Variants in IGFBPL1 observed in about 807,000 individuals in gnomAD.
The protein encoded by IGFBPL1 is insulin-like growth factor-binding protein-like 1.
A neutral mutation model predicts 23.9 loss-of-function variants in IGFBPL1; 20 were observed. That is an observed-to-expected ratio of 0.84 (90% CI 0.59 to 1.22). The LOEUF is 1.22. Ranked by LOEUF, IGFBPL1 falls within the 50% of genes most tolerant of loss-of-function variation. The pLI is 0.00. For missense variants in IGFBPL1, 436 were observed against 379.3 expected, an observed-to-expected ratio of 1.15 and a Z score of -1.24; for synonymous variants, 184 against 171.8, an observed-to-expected ratio of 1.07 and a Z score of -0.56.
rs996679472 is a variant in IGFBPL1 at position 38,414,228 on chromosome 9, C to A, written c.461-25G>T. On this transcript the variant is annotated intron_variant, in intron 1 of 4. Transcript: ENST00000377694. ...GCTAGGAGGAGGAGACAAGGAGACG[C>A]AGCCTTTACCCTGCAGGGTTCCAAG... 6 of 1,450,988 alleles carry A rather than the reference C, an allele frequency of 4.1e-6. No homozygotes were observed. The Admixed American group carries it at 5.5e-5, about 13-fold the overall frequency. 89.9% of individuals were successfully genotyped at this position (1,450,988 alleles called of 1,614,324 possible). A position where few individuals can be genotyped will look rare whatever the true frequency, so the allele number is the denominator to read the frequency against.
intron 3 of IGFBPL1, among the ~76,000 whole-genome samples, chr9:38,411,949 T>G (rs993205213): frequency 1.3e-5 from 2 of 152,210 alleles, no homozygotes; most frequent in African/African-American, 4.8e-5. Context: ...CCACCAGAGA[T>G]AACCTCTTTT....
chr9:38,410,022 G>A (rs951337465), intron 4 of IGFBPL1, among the ~76,000 whole-genome samples: 1 of 152,172 alleles, frequency 6.6e-6, no homozygotes, highest in Non-Finnish European at 1.5e-5. Context: ...CACAGAAGGT[G>A]TGCAACAGTA....
chr9:38,423,240 T>TTAAGTTTCTAAGTCCCTAGCATTTCATAA (rs1821706410), intron 1 of IGFBPL1, among the ~76,000 whole-genome samples: 1 of 152,212 alleles, frequency 6.6e-6, no homozygotes. Flanking sequence ...TTAATGAAGC[T>TTAAGTTTCTAAGTCCCTAGCATTTCATAA]TAAGTTTCTA....
chr9:38,423,872 C>G, intron 1 of IGFBPL1, 93 bp downstream of exon 1: 1 of 1,178,732 alleles, frequency 8.5e-7, no homozygotes, highest in Non-Finnish European at 1.1e-6. Context: ...CAGGCAGCGC[C>G]GTCCACCACT....
chr9:38,412,471 T>C (rs905656139), intron 3 of IGFBPL1, among the ~76,000 whole-genome samples: 1 of 152,192 alleles, frequency 6.6e-6, no homozygotes, highest in Non-Finnish European at 1.5e-5. Flanking sequence ...GCATTCTTCA[T>C]CTTGGTAAAA....
At position 38,413,339 on chromosome 9, in the gene IGFBPL1, A is replaced by T. The variant is rs1232565169; in HGVS notation, c.585T>A (p.Pro195=). ...VITWRKVTKS[P]EGTQALEELP... is the part of the protein sequence containing the mutation. ...GCTCCTCCAGTGCTTGGGTGCCCTC[A>T]GGGGACTTCGTGACCTACAGGGGAC... The change falls in exon 3 of 5, where the codon CCT becomes CCA. Residue 195 remains proline, a synonymous_variant. Transcript: ENST00000377694. 3 of 1,612,972 alleles carry T rather than the reference A, an allele frequency of 1.9e-6. No homozygotes were observed. The highest frequency in any genetic ancestry group is 1.6e-4 in the Middle Eastern group (1 of 6,084).
chr9:38,413,358 AG>A lies in IGFBPL1; in HGVS notation c.571-6del. On this transcript the variant is annotated splice_region_variant and splice_polypyrimidine_tract_variant and intron_variant, in intron 2 of 4. Coordinates refer to ENST00000377694, the MANE Select transcript of IGFBPL1 (RefSeq NM_001007563.3). ...GCCCTCAGGGGACTTCGTGACCTAC[AG>A]GGGACAGGAATGCCAGGAGGGGGCT... 1 of 1,588,256 alleles carries A rather than the reference AG, an allele frequency of 6.3e-7. No homozygotes were observed. The highest frequency in any genetic ancestry group is 2.2e-5 in the East Asian group (1 of 44,748).
At chr9:38,417,332 T>A (rs560973798) in intron 1 of IGFBPL1, among the ~76,000 whole-genome samples, 1 of 152,276 alleles carries the variant, frequency 6.6e-6, no homozygotes, top group East Asian at 1.9e-4. Flanking sequence ...TACACCACCC[T>A]TTCATCCTCA....
intron 4 of IGFBPL1, among the ~76,000 whole-genome samples, chr9:38,410,511 G>A (rs920797252): frequency 1.3e-5 from 2 of 149,976 alleles, no homozygotes; most frequent in African/African-American, 4.9e-5. Context: ...TGATTGGTCT[G>A]TAAATGGGCG....
intron 1 of IGFBPL1, among the ~76,000 whole-genome samples, chr9:38,416,924 T>C (rs1475739768): frequency 6.6e-6 from 1 of 152,026 alleles, no homozygotes; most frequent in Non-Finnish European, 1.5e-5. Flanking sequence ...CTAACAATCC[T>C]CCCATCTTGG....
intron 1 of IGFBPL1, among the ~76,000 whole-genome samples, chr9:38,415,722 C>T (rs1821591551): frequency 6.6e-6 from 1 of 152,174 alleles, no homozygotes; most frequent in Admixed American, 6.5e-5. Flanking sequence ...TTGGAGGGCT[C>T]CACTGGTAAG....
chr9:38,420,468 T>C (rs1821663864), intron 1 of IGFBPL1, among the ~76,000 whole-genome samples: 2 of 152,198 alleles, frequency 1.3e-5, no homozygotes, highest in Admixed American at 6.5e-5. Flanking sequence ...ACCCCCAAGA[T>C]TCAAGGCTGG....
intron 1 of IGFBPL1, among the ~76,000 whole-genome samples, chr9:38,421,454 C>T (rs1587417536): frequency 6.6e-6 from 1 of 152,078 alleles, no homozygotes; most frequent in Non-Finnish European, 1.5e-5. Context: ...CTGAAAACTG[C>T]TTCCCCAGGC....
chr9:38,420,702 T>C (rs1050792720), intron 1 of IGFBPL1, among the ~76,000 whole-genome samples: 6 of 152,002 alleles, frequency 3.9e-5, no homozygotes, highest in African/African-American at 1.2e-4. Context: ...CCAGGCGTGG[T>C]GGTGGGCGCC....
At chr9:38,415,166 T>C (rs899755908) in intron 1 of IGFBPL1, among the ~76,000 whole-genome samples, 2 of 152,022 alleles carry the variant, frequency 1.3e-5, no homozygotes, top group African/African-American at 4.8e-5. Flanking sequence ...GATCTAACCA[T>C]GGAATGAGTG....
At chr9:38,421,767 T>C (rs1048261360) in intron 1 of IGFBPL1, among the ~76,000 whole-genome samples, 2 of 152,202 alleles carry the variant, frequency 1.3e-5, no homozygotes, top group South Asian at 2.1e-4. Context: ...CAAACCTTCA[T>C]GCTTTATCTG....
rs1321858444 is a variant in IGFBPL1, at chr9:38,411,404, ATG to A, written c.831_832del (p.Met278ValfsTer7). 4 of 1,612,932 alleles carry A rather than the reference ATG, an allele frequency of 2.5e-6. No homozygotes were observed. The highest frequency in any genetic ancestry group is 3.4e-6 in the Non-Finnish European group (4 of 1,179,616). ...TAGAACATGTACATTTCTCCATCAC[ATG>A]CGGTCATCGGGAGCTGGGAAGTGGA... On this transcript the variant is annotated frameshift_variant, in exon 4 of 5. Transcript: ENST00000377694. LOFTEE classifies it high-confidence loss of function.
rs1280729492 is a variant in IGFBPL1, at chr9:38,413,252, G to A, written c.672C>T (p.Ala224=). ...AAACACTCACCAAAATCCAGGCCGTGGCCTCATGGTCAGAAGGGCCCCCTC... is the reference window on the plus strand; with the variant it reads ...AAACACTCACCAAAATCCAGGCCGTAGCCTCATGGTCAGAAGGGCCCCCTC... ...QVRGGPSDHE[A]TAWILINPLR... is the part of the protein sequence containing the mutation. The change falls in exon 3 of 5, where the codon GCC becomes GCT. Residue 224 remains alanine (A), a synonymous_variant. Transcript: ENST00000377694. 1.2e-6 allele frequency: 2 copies of A among 1,610,296 alleles called. No homozygotes were observed. The highest frequency in any genetic ancestry group is 1.7e-6 in the Non-Finnish European group (2 of 1,176,628).
At chr9:38,419,586 G>C (rs998761100) in intron 1 of IGFBPL1, among the ~76,000 whole-genome samples, 3 of 152,046 alleles carry the variant, frequency 2.0e-5, no homozygotes, top group Non-Finnish European at 4.4e-5. Flanking sequence ...TGCTGGCCGG[G>C]ACCCTGTTCC....
Sources: allele counts gnomAD v4.1 joint callset (sites outside exome capture counted in the v4.1 genomes callset), GRCh38; gene constraint gnomAD v4.1.1; transcripts MANE v1.5; gene names NCBI Gene and HGNC (gene_info 2026-07-23, HGNC 2026-07-21).